The following TMOD3 variants were observed in gnomAD, a reference collection of about 807,000 sequenced individuals.
TMOD3 encodes the protein tropomodulin-3.
A neutral mutation model predicts 39.2 loss-of-function variants in TMOD3; 20 were observed. That is an observed-to-expected ratio of 0.51 (90% CI 0.36 to 0.74). The LOEUF (loss-of-function observed/expected upper bound fraction) is 0.74. Among genes scored for constraint, TMOD3 ranks in the 30% least tolerant of loss-of-function variants. The pLI is 0.00. For missense variants in TMOD3, 381 were observed against 412.8 expected (o/e 0.92, Z 0.67); for synonymous variants, 143 against 145.8 (o/e 0.98, Z 0.14).
At position 51,873,741 on chromosome 15, in the gene TMOD3, T is replaced by C. The variant is rs74669042; in HGVS notation, c.283+4368T>C. Among the ~76,000 whole-genome samples the C allele has an allele frequency of 1.5e-4, 23 of 151,908 alleles. No homozygotes were observed. In the East Asian group the frequency reaches 4.3e-3, roughly 28 times the overall value. On this transcript the variant is annotated intron_variant, in intron 3 of 9. Coordinates refer to ENST00000308580, the MANE Select transcript of TMOD3 (RefSeq NM_014547.5). ...TTTTTTTTTGGAGATGGAATCTCACTCTGTTACCCAGGCCGGAGTGCAGTG... is the reference window on the plus strand; with the variant it reads ...TTTTTTTTTGGAGATGGAATCTCACCCTGTTACCCAGGCCGGAGTGCAGTG...
At chr15:51,875,631 C>G (rs1396114778) in intron 3 of TMOD3, among the ~76,000 whole-genome samples, 1 of 37,646 alleles carries the variant, frequency 2.7e-5, no homozygotes, top group Non-Finnish European at 5.8e-5. Context: ...TTTTTTTTTT[C>G]CTGAGACAGA....
intron 1 of TMOD3, among the ~76,000 whole-genome samples, chr15:51,831,164 C>A (rs762648328): frequency 1.2e-4 from 18 of 152,170 alleles, no homozygotes; most frequent in Non-Finnish European, 1.9e-4. Flanking sequence ...TGAGAAAGAG[C>A]AAACATGAGT....
rs71130104 is a variant in TMOD3, at chr15:51,846,153, C to CA, written c.-75+16331dup. On this transcript the variant is annotated intron_variant, in intron 1 of 9. Coordinates refer to ENST00000308580, the MANE Select transcript of TMOD3 (RefSeq NM_014547.5). ...CAACATGGTAAAACCCCATTTCTAC[C>CA]AAAAAAAAAAAAAATACAAAAATAA... Among the ~76,000 whole-genome samples the CA allele has an allele frequency of 1.7e-3, 232 of 138,194 alleles. 1 individual carries two copies. The highest frequency in any genetic ancestry group is 5.6e-3 in the East Asian group (24 of 4,316). 90.7% of individuals were successfully genotyped at this position (138,194 alleles called of 152,430 possible).
chr15:51,902,425 T>C (rs2056655579), intron 9 of TMOD3, among the ~76,000 whole-genome samples: 1 of 152,174 alleles, frequency 6.6e-6, no homozygotes, highest in African/African-American at 2.4e-5. Context: ...AATGTGGATA[T>C]AGAAATATAT....
intron 9 of TMOD3, among the ~76,000 whole-genome samples, chr15:51,906,638 A>C (rs867797520): frequency 8.5e-5 from 13 of 152,170 alleles, no homozygotes; most frequent in Non-Finnish European, 2.9e-5. Flanking sequence ...GATCTTTTCT[A>C]TAACATGCAT....
chr15:51,898,412 A>G (rs1285701561), intron 7 of TMOD3, among the ~76,000 whole-genome samples: 1 of 151,966 alleles, frequency 6.6e-6, no homozygotes, highest in Non-Finnish European at 1.5e-5. Flanking sequence ...CATCTACCCT[A>G]TTGTGCCTTT....
At chr15:51,903,030 C>T (rs1683489657) in intron 9 of TMOD3, among the ~76,000 whole-genome samples, 1 of 152,036 alleles carries the variant, frequency 6.6e-6, no homozygotes, top group Non-Finnish European at 1.5e-5. Flanking sequence ...ACGATCCACC[C>T]GCCTCGGCCT....
rs556668546 is a variant in TMOD3, at chr15:51,862,247, A to C, written c.-74-564A>C. Among the ~76,000 whole-genome samples the C allele has an allele frequency of 1.4e-4, 22 of 152,322 alleles. 1 individual carries two copies. The highest frequency in any genetic ancestry group is 5.1e-4 in the African/African-American group (21 of 41,566). ...CAGCATGATTTTGAGTATTTTACTC[A>C]ATCATCTTCAGAATGCTGTATTTTT... On this transcript the variant is annotated intron_variant, in intron 1 of 9. Transcript: ENST00000308580.
chr15:51,887,850 A>G (rs1191266302), intron 4 of TMOD3, 139 bp downstream of exon 4: 11 of 1,033,766 alleles, frequency 1.1e-5, no homozygotes, highest in Middle Eastern at 2.1e-4. Context: ...TTGGCTTTAT[A>G]TTTTACACGG....
chr15:51,899,737 T>G (rs1310782989), intron 7 of TMOD3, among the ~76,000 whole-genome samples: 1 of 152,058 alleles, frequency 6.6e-6, no homozygotes, highest in Non-Finnish European at 1.5e-5. Flanking sequence ...CAAAAATATT[T>G]GGAAAAAAAT....
At chr15:51,873,786 T>C in intron 3 of TMOD3, among the ~76,000 whole-genome samples, 1 of 152,052 alleles carries the variant, frequency 6.6e-6, no homozygotes, top group East Asian at 1.9e-4. Flanking sequence ...CACACCTGGC[T>C]AATTTTTGTA....
intron 3 of TMOD3, among the ~76,000 whole-genome samples, chr15:51,876,251 C>G (rs2056502673): frequency 6.6e-6 from 1 of 152,122 alleles, no homozygotes; most frequent in African/African-American, 2.4e-5. Context: ...TCACTGCAGC[C>G]TCAAACTCTT....
chr15:51,861,762 A>G (rs1446168624), intron 1 of TMOD3, among the ~76,000 whole-genome samples: 1 of 150,452 alleles, frequency 6.6e-6, no homozygotes, highest in Non-Finnish European at 1.5e-5. Context: ...GGCTGAAGCC[A>G]TCCTCCCATC....
chr15:51,847,909 A>G (rs940128706), intron 1 of TMOD3, among the ~76,000 whole-genome samples: 1 of 152,236 alleles, frequency 6.6e-6, no homozygotes, highest in Non-Finnish European at 1.5e-5. Context: ...GCTGAAACCT[A>G]ATCACCAATA....
chr15:51,893,776 A>AG, intron 5 of TMOD3, 39 bp from the exon 6 acceptor site: 1 of 1,464,274 alleles, frequency 6.8e-7, no homozygotes, highest in African/African-American at 1.4e-5. Context: ...AAAAAAAAAA[A>AG]ATGGTATCAA....
At chr15:51,888,994 T>C in intron 4 of TMOD3, 62 bp from the exon 5 acceptor site, 1 of 1,081,322 alleles carries the variant, frequency 9.2e-7, no homozygotes, top group Non-Finnish European at 1.4e-6. Flanking sequence ...TTGATAGAAA[T>C]TTTTAGTTGT....
chr15:51,858,428 A>T (rs1414274468), intron 1 of TMOD3: 1 of 48,782 alleles, frequency 2.0e-5, no homozygotes, highest in Admixed American at 2.4e-4. Flanking sequence ...ATAATTTGCT[A>T]AAAAAAAAAA....
In TMOD3 at chr15:51,886,985, A is replaced by G. The variant is rs146514565; in HGVS notation, c.284-604A>G. ...TGTAATCCTAGCACTTTGGGAGGCC[A>G]AGGCGAGTGGATCACCTTAGGTCAG... is the stretch of plus-strand genomic sequence containing the variant. On this transcript the variant is annotated intron_variant, in intron 3 of 9. Transcript: ENST00000308580. Among the ~76,000 whole-genome samples, 106 of 152,120 alleles carry G rather than the reference A, an allele frequency of 7.0e-4. No individual in the cohort carries two copies. The East Asian group carries it at 0.02, about 28-fold the overall frequency.
At chr15:51,898,739 T>C (rs973678322) in intron 7 of TMOD3, among the ~76,000 whole-genome samples, 12 of 152,230 alleles carry the variant, frequency 7.9e-5, no homozygotes, top group African/African-American at 2.9e-4. Context: ...TTCTGTAGTT[T>C]AACCTTGCTT....
Sources: gnomAD v4.1 joint callset for allele counts (sites outside exome capture counted in the v4.1 genomes callset) on GRCh38, gnomAD v4.1.1 for gene constraint, MANE v1.5 for transcripts, NCBI Gene and HGNC (gene_info 2026-07-23, HGNC 2026-07-21) for gene names.